Variants in OR9A2 observed in about 807,000 individuals in gnomAD.
OR9A2 encodes the protein olfactory receptor family 9 subfamily A member 2.
In OR9A2, 14 loss-of-function variants were observed where a neutral mutation model predicts 18.7. The observed-to-expected ratio is 0.75, with a 90% CI of 0.50 to 1.17. The LOEUF is 1.17. Ranked by LOEUF, OR9A2 falls within the 50% of genes most tolerant of loss-of-function variation. OR9A2 has a pLI of 0.00. For missense variants in OR9A2, 353 were observed against 372.7 expected (o/e 0.95, Z 0.44); for synonymous variants, 142 against 142.6 (o/e 1.00, Z 0.03).
chr7:143,026,906 A>G lies in OR9A2; in HGVS notation c.227T>C (p.Ile76Thr). The G allele has an allele frequency of 6.2e-7, 1 of 1,614,176 alleles. No homozygotes were observed. Among genetic ancestry groups the G allele is most frequent in the African/African-American group, 1.3e-5 (1 of 75,060 alleles). Residue 76 changes from isoleucine (I) to threonine (T), a missense_variant, in exon 1 of 1, where the codon ATT becomes ACT. By Grantham distance (89) the Ile-to-Thr change is moderately conservative (BLOSUM62 -1). Transcript: ENST00000350513. ...CAATCCCCAAAGCATCATGGGGACA[A>G]TTATGGTTGTGACCAGGATCTCCAG... ...STLEILVTTI[I>T]VPMMLWGLLF... is the part of the protein sequence containing the mutation.
In OR9A2 at chr7:143,027,010, G is replaced by T; in HGVS notation, c.123C>A (p.Asn41Lys). Reference sequence around the variant, plus strand: ...CACAGACAATCACAATGATGACCGTGTTTCCCATTAATGTCACTAAATAGA... The same window carrying T: ...CACAGACAATCACAATGATGACCGTTTTTCCCATTAATGTCACTAAATAGA... ...FFFYLVTLMGNTVIIVIVCVD... is the reference protein window; with the variant it reads ...FFFYLVTLMGKTVIIVIVCVD... The change falls in exon 1 of 1, where the codon AAC becomes AAA. Residue 41 changes from asparagine (N) to lysine (K), a missense_variant. Transcript: ENST00000350513. 1 of 1,614,072 alleles carries T rather than the reference G, an allele frequency of 6.2e-7. No individual in the cohort carries two copies. The highest frequency in any genetic ancestry group is 8.5e-7 in the Non-Finnish European group (1 of 1,179,988).
Position 143,026,282 on chromosome 7 carries a change from A to G in OR9A2, c.851T>C (p.Phe284Ser). Residue 284 changes from phenylalanine (F) to serine (S), a missense_variant, in exon 1 of 1, where the codon TTC (phenylalanine) becomes TCC (serine). Phe to Ser is a radical substitution (Grantham distance 155). Transcript: ENST00000350513. ...TTTGTCATTCCGAAGAGTAAAGATG[A>G]AAGGATTCAGGAAGGGGGTTAACAC... Reference protein sequence around the residue: ...VSVLTPFLNPFIFTLRNDKVK... With the variant: ...VSVLTPFLNPSIFTLRNDKVK... The G allele has an allele frequency of 6.2e-7, 1 of 1,614,064 alleles. No homozygotes were observed. Among genetic ancestry groups the G allele is most frequent in the East Asian group, 2.2e-5 (1 of 44,888 alleles).
Position 143,026,405 on chromosome 7 carries a change from C to T in OR9A2, c.728G>A (p.Cys243Tyr). The T allele has an allele frequency of 6.2e-7, 1 of 1,614,104 alleles. No homozygotes were observed. The highest frequency in any genetic ancestry group is 8.5e-7 in the Non-Finnish European group (1 of 1,180,014). Residue 243 changes from cysteine to tyrosine, a missense_variant, in exon 1 of 1, where the codon TGT becomes TAT. By Grantham distance (194) the Cys-to-Tyr change is radical. Coordinates refer to ENST00000350513, the MANE Select transcript of OR9A2 (RefSeq NM_001001658.1). The stretch of plus-strand genomic sequence containing the variant: ...GCAGCTGCCATAGCCAATCACAACA[C>T]AGGTGAAGTGGGAGGCAAAAGTGGA... ...AFSTFASHFT[C>Y]VVIGYGSCLF...
chr7:143,026,709 T>C lies in OR9A2; in HGVS notation c.424A>G (p.Ile142Val). ...MNSSTCIWVV[I>V]VSWVFGFLSE... The stretch of plus-strand genomic sequence containing the variant: ...AGAAATCCAAACACCCATGACACTA[T>C]TACCACCCAAATACAGGTACTGCTG... Residue 142 changes from isoleucine to valine, a missense_variant, in exon 1 of 1, where the codon ATA becomes GTA. Ile to Val is a conservative substitution (Grantham distance 29, BLOSUM62 3). Coordinates refer to ENST00000350513, the MANE Select transcript of OR9A2 (RefSeq NM_001001658.1). 1.2e-6 allele frequency: 2 copies of C among 1,614,100 alleles called. No individual in the cohort carries two copies. The highest frequency in any genetic ancestry group is 2.2e-5 in the East Asian group (1 of 44,876).
rs1280400890 is a variant in OR9A2 at position 143,026,908 on chromosome 7, T to C, written c.225A>G (p.Ile75Met). 2 of 1,613,968 alleles carry C rather than the reference T, an allele frequency of 1.2e-6. No individual in the cohort carries two copies. Among genetic ancestry groups the C allele is most frequent in the East Asian group, 2.2e-5 (1 of 44,882 alleles). Reference sequence around the variant, plus strand: ...ATCCCCAAAGCATCATGGGGACAATTATGGTTGTGACCAGGATCTCCAGGG... The same window carrying C: ...ATCCCCAAAGCATCATGGGGACAATCATGGTTGTGACCAGGATCTCCAGGG... The part of the protein sequence containing the change: ...LSTLEILVTT[I>M]IVPMMLWGLL... The change falls in exon 1 of 1, where the codon ATA (isoleucine) becomes ATG (methionine). Residue 75 changes from isoleucine (I) to methionine (M), a missense_variant. Coordinates refer to ENST00000350513, the MANE Select transcript of OR9A2 (RefSeq NM_001001658.1).
In OR9A2 at chr7:143,026,580, A is replaced by C; in HGVS notation, c.553T>G (p.Cys185Gly). 4 of 1,614,272 alleles carry C rather than the reference A, an allele frequency of 2.5e-6. No individual in the cohort carries two copies. The highest frequency in any genetic ancestry group is 3.4e-6 in the Non-Finnish European group (4 of 1,180,046). Residue 185 changes from cysteine (C) to glycine (G), a missense_variant, in exon 1 of 1, where the codon TGC becomes GGC. Cys to Gly is a radical substitution (Grantham distance 159). Transcript: ENST00000350513. ...AACTCTGTGAGAAGAGTGTTATCGC[A>C]GGACAGTTTGAGCAATTGCCCTCGG... ...CDRGQLLKLS[C>G]DNTLLTEFIL... is the part of the protein sequence containing the mutation.
Position 143,026,474 on chromosome 7 carries a change from G to A in OR9A2, c.659C>T (p.Thr220Ile). The change falls in exon 1 of 1, where the codon ACC becomes ATC. Residue 220 changes from threonine to isoleucine, a missense_variant. Coordinates refer to ENST00000350513, the MANE Select transcript of OR9A2 (RefSeq NM_001001658.1). ...AGAGGCTGACGGGATCTTGAGGATG[G>A]TGGAGATAATGTAGGTGTAGGAGAC... Reference protein sequence around the residue: ...TIVSYTYIISTILKIPSASGR... With the variant: ...TIVSYTYIISIILKIPSASGR... The A allele has an allele frequency of 4.3e-6, 7 of 1,614,180 alleles. No homozygotes were observed. The highest frequency in any genetic ancestry group is 5.1e-6 in the Non-Finnish European group (6 of 1,180,032).
rs1463209767 is a variant in OR9A2, at chr7:143,026,221, G to A, written c.912C>T (p.Cys304=). ...ACAGCTAATCTTTCAGGAGTTGACAGCAGCGTTTCATCCCATCTCGGAGGG... is the reference window on the plus strand; with the variant it reads ...ACAGCTAATCTTTCAGGAGTTGACAACAGCGTTTCATCCCATCTCGGAGGG... The part of the protein sequence containing the change: ...KEALRDGMKR[C]CQLLKD Residue 304 remains cysteine, a synonymous_variant, in exon 1 of 1, where the codon TGC becomes TGT. Coordinates refer to ENST00000350513, the MANE Select transcript of OR9A2 (RefSeq NM_001001658.1). The A allele has an allele frequency of 1.9e-6, 3 of 1,600,770 alleles. No individual in the cohort carries two copies. The highest frequency in any genetic ancestry group is 2.7e-5 in the African/African-American group (2 of 74,304).
rs1200854123 is a variant in OR9A2 at position 143,026,914 on chromosome 7, T to A, written c.219A>T (p.Thr73=). ...AAAGCATCATGGGGACAATTATGGT[T>A]GTGACCAGGATCTCCAGGGTAGAGA... is the stretch of plus-strand genomic sequence containing the variant. The part of the protein sequence containing the change: ...SHLSTLEILV[T]TIIVPMMLWG... Residue 73 remains threonine, a synonymous_variant, in exon 1 of 1, where the codon ACA becomes ACT. Transcript: ENST00000350513. 3.7e-6 allele frequency: 6 copies of A among 1,614,022 alleles called. No individual in the cohort carries two copies. The highest frequency in any genetic ancestry group is 5.1e-6 in the Non-Finnish European group (6 of 1,180,004).
At position 143,027,001 on chromosome 7, in the gene OR9A2, G is replaced by A; in HGVS notation, c.132C>T (p.Ile44=). The change falls in exon 1 of 1, where the codon ATC becomes ATT. Residue 44 remains isoleucine, a synonymous_variant. Coordinates refer to ENST00000350513, the MANE Select transcript of OR9A2 (RefSeq NM_001001658.1). ...YLVTLMGNTV[I]IVIVCVDKRL... Reference sequence around the variant, plus strand: ...GTTTATCCACACAGACAATCACAATGATGACCGTGTTTCCCATTAATGTCA... The same window carrying A: ...GTTTATCCACACAGACAATCACAATAATGACCGTGTTTCCCATTAATGTCA... The A allele has an allele frequency of 6.2e-7, 1 of 1,614,098 alleles. No homozygotes were observed.
rs148601591 is a variant in OR9A2, at chr7:143,026,288, T to A, written c.845A>T (p.Asn282Ile). 477 of 1,613,780 alleles carry A rather than the reference T, an allele frequency of 3.0e-4. No individual in the cohort carries two copies. Among genetic ancestry groups the A allele is most frequent in the Non-Finnish European group, 3.9e-4 (458 of 1,179,958 alleles). Reference protein sequence around the residue: ...LLVSVLTPFLNPFIFTLRNDK... With the variant: ...LLVSVLTPFLIPFIFTLRNDK... ...ATTCCGAAGAGTAAAGATGAAAGGA[T>A]TCAGGAAGGGGGTTAACACAGAAAC... Residue 282 changes from asparagine to isoleucine, a missense_variant, in exon 1 of 1, where the codon AAT becomes ATT. Coordinates refer to ENST00000350513, the MANE Select transcript of OR9A2 (RefSeq NM_001001658.1).
chr7:143,026,676 T>C lies in OR9A2; in HGVS notation c.457A>G (p.Ile153Val), dbSNP rs376956499. The change falls in exon 1 of 1, where the codon ATC (isoleucine) becomes GTC (valine). Residue 153 changes from isoleucine (I) to valine (V), a missense_variant. Physicochemically the swap from Ile to Val is conservative, Grantham distance 29 (BLOSUM62 3). Coordinates refer to ENST00000350513, the MANE Select transcript of OR9A2 (RefSeq NM_001001658.1). The part of the protein sequence containing the change: ...VSWVFGFLSE[I>V]WPIYATFQFT... The stretch of plus-strand genomic sequence containing the variant: ...TGAAATGTGGCATAGATGGGCCAGA[T>C]TTCAGAAAGAAATCCAAACACCCAT... 2.5e-5 allele frequency: 40 copies of C among 1,614,058 alleles called. No homozygotes were observed. Among genetic ancestry groups the C allele is most frequent in the Non-Finnish European group, 3.4e-5 (40 of 1,180,040 alleles).
At position 143,026,851 on chromosome 7, in the gene OR9A2, A is replaced by G. The variant is rs1386058750; in HGVS notation, c.282T>C (p.Ser94=). ...AGGAAAAGTTGAGCGATACATGTAGAGAAAGATACTGTCTGCATCCCAGGA... is the reference window on the plus strand; with the variant it reads ...AGGAAAAGTTGAGCGATACATGTAGGGAAAGATACTGTCTGCATCCCAGGA... ...LLFLGCRQYL[S]LHVSLNFSCG... is the part of the protein sequence containing the mutation. The change falls in exon 1 of 1, where the codon TCT becomes TCC. Residue 94 remains serine (S), a synonymous_variant. Coordinates refer to ENST00000350513, the MANE Select transcript of OR9A2 (RefSeq NM_001001658.1). 1.2e-6 allele frequency: 2 copies of G among 1,614,210 alleles called. No homozygotes were observed. The highest frequency in any genetic ancestry group is 4.5e-5 in the East Asian group (2 of 44,878).
chr7:143,026,455 T>C lies in OR9A2; in HGVS notation c.678A>G (p.Ser226=). ...AGAAGGCTTTCCTCCGGCCAGAGGCTGACGGGATCTTGAGGATGGTGGAGA... is the reference window on the plus strand; with the variant it reads ...AGAAGGCTTTCCTCCGGCCAGAGGCCGACGGGATCTTGAGGATGGTGGAGA... ...YIISTILKIP[S]ASGRRKAFST... The change falls in exon 1 of 1, where the codon TCA becomes TCG. Residue 226 remains serine, a synonymous_variant. Coordinates refer to ENST00000350513, the MANE Select transcript of OR9A2 (RefSeq NM_001001658.1). The C allele has an allele frequency of 6.2e-7, 1 of 1,614,174 alleles. No homozygotes were observed. Among genetic ancestry groups the C allele is most frequent in the Non-Finnish European group, 8.5e-7 (1 of 1,180,026 alleles).
rs377590721 is a variant in OR9A2, at chr7:143,026,885, C to T, written c.248G>A (p.Gly83Glu). The change falls in exon 1 of 1, where the codon GGA becomes GAA. Residue 83 changes from glycine (G) to glutamate (E), a missense_variant. Coordinates refer to ENST00000350513, the MANE Select transcript of OR9A2 (RefSeq NM_001001658.1). ...CTGTCTGCATCCCAGGAAGAGCAAT[C>T]CCCAAAGCATCATGGGGACAATTAT... ...TTIIVPMMLWGLLFLGCRQYL... is the reference protein window; with the variant it reads ...TTIIVPMMLWELLFLGCRQYL... 4 of 1,614,036 alleles carry T rather than the reference C, an allele frequency of 2.5e-6. No individual in the cohort carries two copies.
chr7:143,026,875 G>A lies in OR9A2; in HGVS notation c.258C>T (p.Phe86=), dbSNP rs1021801585. 6 of 1,614,048 alleles carry A rather than the reference G, an allele frequency of 3.7e-6. No homozygotes were observed. Among genetic ancestry groups the A allele is most frequent in the African/African-American group, 1.3e-5 (1 of 74,912 alleles). The stretch of plus-strand genomic sequence containing the variant: ...GAGAAAGATACTGTCTGCATCCCAG[G>A]AAGAGCAATCCCCAAAGCATCATGG... The part of the protein sequence containing the change: ...IVPMMLWGLL[F]LGCRQYLSLH... Residue 86 remains phenylalanine, a synonymous_variant, in exon 1 of 1, where the codon TTC becomes TTT. Coordinates refer to ENST00000350513, the MANE Select transcript of OR9A2 (RefSeq NM_001001658.1).
At position 143,026,534 on chromosome 7, in the gene OR9A2, A is replaced by G; in HGVS notation, c.599T>C (p.Val200Ala). The change falls in exon 1 of 1, where the codon GTT (valine) becomes GCT (alanine). Residue 200 changes from valine (V) to alanine (A), a missense_variant. Physicochemically the swap from Val to Ala is moderately conservative, Grantham distance 64. Coordinates refer to ENST00000350513, the MANE Select transcript of OR9A2 (RefSeq NM_001001658.1). ...LTEFILFLMA[V>A]FILIGSLIPT... ...GATCAAAGAACCAATGAGAATAAAA[A>G]CAGCCATTAAGAAAAGGATAAACTC... 2 of 1,613,600 alleles carry G rather than the reference A, an allele frequency of 1.2e-6. No homozygotes were observed. The highest frequency in any genetic ancestry group is 1.1e-5 in the South Asian group (1 of 91,084).
rs1433052909 is a variant in OR9A2 at position 143,026,845 on chromosome 7, A to G, written c.288T>C (p.His96=). ...TCCCACAGGAAAAGTTGAGCGATAC[A>G]TGTAGAGAAAGATACTGTCTGCATC... ...FLGCRQYLSL[H]VSLNFSCGTM... Residue 96 remains histidine (H), a synonymous_variant, in exon 1 of 1, where the codon CAT becomes CAC. Coordinates refer to ENST00000350513, the MANE Select transcript of OR9A2 (RefSeq NM_001001658.1). 3.7e-6 allele frequency: 6 copies of G among 1,614,084 alleles called. No individual in the cohort carries two copies. The highest frequency in any genetic ancestry group is 2.2e-5 in the South Asian group (2 of 91,078).
Position 143,026,362 on chromosome 7 carries a change from T to C in OR9A2, c.771A>G (p.Lys257=). 1 of 1,613,986 alleles carries C rather than the reference T, an allele frequency of 6.2e-7. No individual in the cohort carries two copies. The highest frequency in any genetic ancestry group is 8.5e-7 in the Non-Finnish European group (1 of 1,179,986). The part of the protein sequence containing the change: ...GYGSCLFLYV[K]PKQTQGVEYN... ...ACTCAACTCCCTGTGTTTGCTTGGG[T>C]TTCACGTAGAGAAACAAGCAGCTGC... The change falls in exon 1 of 1, where the codon AAA becomes AAG. Residue 257 remains lysine, a synonymous_variant. Coordinates refer to ENST00000350513, the MANE Select transcript of OR9A2 (RefSeq NM_001001658.1).
Sources: gnomAD v4.1 joint callset for allele counts on GRCh38, gnomAD v4.1.1 for gene constraint, MANE v1.5 for transcripts, NCBI Gene and HGNC (gene_info 2026-07-23, HGNC 2026-07-21) for gene names.